The following ZNF583 variants were observed in gnomAD, a reference collection of about 807,000 sequenced individuals.
ZNF583 encodes zinc finger protein 583, also known as zinc finger protein L3-5.
A neutral mutation model predicts 55.3 loss-of-function variants in ZNF583; 30 were observed. The ratio of observed to expected loss-of-function variants is 0.54; its 90% CI spans 0.41 to 0.74. The LOEUF (loss-of-function observed/expected upper bound fraction) is 0.74. Ranked by LOEUF, ZNF583 falls within the 30% of genes least tolerant of loss-of-function variation. ZNF583 has a pLI of 0.00. For synonymous variants in ZNF583, 208 were observed against 220.0 expected (o/e 0.95, Z 0.48); for missense variants, 504 against 664.7 (o/e 0.76, Z 2.66).
In ZNF583 at chr19:56,414,419, G is replaced by C; in HGVS notation, c.211G>C (p.Gly71Arg). Reference sequence around the variant, plus strand: ...AGAGCCCTGGATGGTGAAGAAGGAGGGAACAAGAGGCCCATGCCCTGGTGA... The same window carrying C: ...AGAGCCCTGGATGGTGAAGAAGGAGCGAACAAGAGGCCCATGCCCTGGTGA... ...GKEPWMVKKEGTRGPCPDWEY... is the reference protein window; with the variant it reads ...GKEPWMVKKERTRGPCPDWEY... The change falls in exon 4 of 5, where the codon GGA becomes CGA. Residue 71 changes from glycine (G) to arginine (R), a missense_variant. By Grantham distance (125) the Gly-to-Arg change is moderately radical. This residue lies in a region of ZNF583 where 204 missense variants were observed against 235.2 expected (regional missense o/e 0.87). Coordinates refer to ENST00000333201, the MANE Select transcript of ZNF583 (RefSeq NM_152478.3). 6.2e-7 allele frequency: 1 copy of C among 1,614,118 alleles called. No individual in the cohort carries two copies. The highest frequency in any genetic ancestry group is 8.5e-7 in the Non-Finnish European group (1 of 1,179,996).
In ZNF583 at chr19:56,426,238, GT is replaced by G. The variant is rs1177897550; in HGVS notation, c.*1874del. On this transcript the variant is annotated 3_prime_UTR_variant, in exon 5 of 5. Transcript: ENST00000333201. ...GACCTATACCATCAGTGGTTTAACAGTTTTGGAAAAATTTATCGTGCTCTAT... is the reference window on the plus strand; with the variant it reads ...GACCTATACCATCAGTGGTTTAACAGTTTGGAAAAATTTATCGTGCTCTAT... 6.6e-6 allele frequency: 1 copy of G among 152,122 alleles called. No individual in the cohort carries two copies. The highest frequency in any genetic ancestry group is 1.5e-5 in the Non-Finnish European group (1 of 68,018). The allele number at this position is 152,122 out of a possible 1,614,324, so 9.4% of individuals were successfully genotyped here. A position where few individuals can be genotyped will look rare whatever the true frequency, so the allele number is the denominator to read the frequency against.
At chr19:56,422,860 C>A in intron 4 of ZNF583, 31 bp from the exon 5 acceptor site, 1 of 1,504,904 alleles carries the variant, frequency 6.6e-7, no homozygotes. Flanking sequence ...GAATTAAATA[C>A]AAAAGTCATT....
rs769911422 is a variant in ZNF583 at position 56,423,766 on chromosome 19, C to T, written c.1108C>T (p.His370Tyr). 2 of 1,613,482 alleles carry T rather than the reference C, an allele frequency of 1.2e-6. No individual in the cohort carries two copies. Among genetic ancestry groups the T allele is most frequent in the Non-Finnish European group, 8.5e-7 (1 of 1,179,902 alleles). ...TAGCCATCGTGGATACCTAATTGTACATCAGAGAATTCATACTGGAGAGAG... is the reference window on the plus strand; with the variant it reads ...TAGCCATCGTGGATACCTAATTGTATATCAGAGAATTCATACTGGAGAGAG... ...AFSHRGYLIVHQRIHTGERPY... is the reference protein window; with the variant it reads ...AFSHRGYLIVYQRIHTGERPY... The change falls in exon 5 of 5, where the codon CAT becomes TAT. Residue 370 changes from histidine (H) to tyrosine (Y), a missense_variant. Transcript: ENST00000333201.
intron 4 of ZNF583, among the ~76,000 whole-genome samples, chr19:56,419,378 G>A (rs2042378768): frequency 6.6e-6 from 1 of 151,918 alleles, no homozygotes; most frequent in Non-Finnish European, 1.5e-5. Flanking sequence ...GTATTTTTTA[G>A]TAGAGATGGG....
upstream of ZNF583, chr19:56,404,182 G>A (rs1175989780): frequency 6.6e-6 from 1 of 152,484 alleles, no homozygotes; most frequent in Non-Finnish European, 1.5e-5. The surrounding 1 kb of genome is among the most constrained non-coding windows in gnomAD (Gnocchi z 5.2). Context: ...CAGCGGAGGT[G>A]GGCTTACTAG....
In ZNF583 at chr19:56,414,387, A is replaced by T. The variant is rs1266076651; in HGVS notation, c.179A>T (p.Gln60Leu). ...SKPDVISLLE[Q>L]GKEPWMVKKE... The stretch of plus-strand genomic sequence containing the variant: ...CCAGATGTGATCTCATTATTGGAGC[A>T]AGGAAAAGAGCCCTGGATGGTGAAG... The change falls in exon 4 of 5, where the codon CAA becomes CTA. Residue 60 changes from glutamine to leucine, a missense_variant. This residue lies in a region of ZNF583 where 204 missense variants were observed against 235.2 expected (regional missense o/e 0.87). Coordinates refer to ENST00000333201, the MANE Select transcript of ZNF583 (RefSeq NM_152478.3). 1 of 1,614,012 alleles carries T rather than the reference A, an allele frequency of 6.2e-7. No homozygotes were observed. The highest frequency in any genetic ancestry group is 8.5e-7 in the Non-Finnish European group (1 of 1,180,034).
At chr19:56,420,014 A>T (rs1269031457) in intron 4 of ZNF583, among the ~76,000 whole-genome samples, 1 of 152,124 alleles carries the variant, frequency 6.6e-6, no homozygotes, top group Non-Finnish European at 1.5e-5. Flanking sequence ...TCTTGAGGTG[A>T]CATCTTAGAT....
intron 2 of ZNF583, among the ~76,000 whole-genome samples, chr19:56,408,481 T>C (rs2042189276): frequency 6.6e-6 from 1 of 152,234 alleles, no homozygotes; most frequent in Non-Finnish European, 1.5e-5. Flanking sequence ...AGCTAGTAGC[T>C]AGTGTATTAG....
intron 4 of ZNF583, among the ~76,000 whole-genome samples, chr19:56,417,690 C>T (rs181177465): frequency 1.3e-5 from 2 of 152,160 alleles, no homozygotes; most frequent in African/African-American, 2.4e-5. Context: ...ATTAATTTGT[C>T]TTGGTTGGTG....
chr19:56,414,702 C>T (rs1202379048), intron 4 of ZNF583: 1 of 355,498 alleles, frequency 2.8e-6, no homozygotes, highest in African/African-American at 2.1e-5. Context: ...GTCACAGCAT[C>T]TCCCTGTCCT....
intron 4 of ZNF583, among the ~76,000 whole-genome samples, chr19:56,415,987 T>C (rs1326110130): frequency 6.6e-6 from 1 of 152,218 alleles, no homozygotes; most frequent in African/African-American, 2.4e-5. Flanking sequence ...ATATGTATAA[T>C]GGTTTCCAAT....
Position 56,424,361 on chromosome 19 carries a change from TCTC to T in ZNF583, c.1706_1708del (p.Ser569del). 1 of 1,345,580 alleles carries T rather than the reference TCTC, an allele frequency of 7.4e-7. No homozygotes were observed. The highest frequency in any genetic ancestry group is 1.1e-6 in the Non-Finnish European group (1 of 942,772). The allele number at this position is 1,345,580 out of a possible 1,614,324, so 83.4% of individuals were successfully genotyped here. Reference sequence around the variant, plus strand: ...CAGTTGCCAAGACCTGTAGGTTTCATCTCCTGAATATTTCTGGAATCCACCTCT... The same window carrying T: ...CAGTTGCCAAGACCTGTAGGTTTCATCTGAATATTTCTGGAATCCACCTCT... On this transcript the variant is annotated inframe_deletion, in exon 5 of 5. Transcript: ENST00000333201.
At chr19:56,422,100 G>A (rs773189031) in intron 4 of ZNF583, among the ~76,000 whole-genome samples, 1 of 152,190 alleles carries the variant, frequency 6.6e-6, no homozygotes, top group Non-Finnish European at 1.5e-5. Context: ...GCAAGCAAGG[G>A]AGTAGTAGAA....
chr19:56,415,106 A>G (rs2042299431), intron 4 of ZNF583, among the ~76,000 whole-genome samples: 2 of 151,520 alleles, frequency 1.3e-5, no homozygotes, highest in South Asian at 4.1e-4. Context: ...GGATTGATGC[A>G]TTTATTTATT....
chr19:56,423,633 A>G lies in ZNF583; in HGVS notation c.975A>G (p.Glu325=). 6.2e-7 allele frequency: 1 copy of G among 1,613,968 alleles called. No homozygotes were observed. The highest frequency in any genetic ancestry group is 8.5e-7 in the Non-Finnish European group (1 of 1,179,972). The change falls in exon 5 of 5, where the codon GAA becomes GAG. Residue 325 remains glutamate (E), a synonymous_variant. Coordinates refer to ENST00000333201, the MANE Select transcript of ZNF583 (RefSeq NM_152478.3). ...TTCATACTGGAGAGAGACCTTTCGA[A>G]TGTATTGAATGTGGAAAGGCCTTTA... ...QRVHTGERPF[E]CIECGKAFSN...
At position 56,424,427 on chromosome 19, in the gene ZNF583, C is replaced by T. The variant is rs1444707391; in HGVS notation, c.*59C>T. 1.5e-5 allele frequency: 11 copies of T among 725,876 alleles called. No individual in the cohort carries two copies. Among genetic ancestry groups the T allele is most frequent in the South Asian group, 7.0e-5 (4 of 57,088 alleles). 45.0% of individuals were successfully genotyped at this position (725,876 alleles called of 1,614,324 possible). A position where few individuals can be genotyped will look rare whatever the true frequency, so the allele number is the denominator to read the frequency against. ...CATCCCATCATCCTTGTCCAATGCA[C>T]ATTAATATATTTGACATGGGATACT... On this transcript the variant is annotated 3_prime_UTR_variant, in exon 5 of 5. Transcript: ENST00000333201.
chr19:56,419,579 A>G (rs1350683847), intron 4 of ZNF583, among the ~76,000 whole-genome samples: 1 of 152,186 alleles, frequency 6.6e-6, no homozygotes, highest in East Asian at 1.9e-4. Context: ...GAAAGTGTTT[A>G]TCTTTCTCTA....
Position 56,414,051 on chromosome 19 carries a change from G to C in ZNF583, c.102G>C (p.Val34=). The C allele has an allele frequency of 6.2e-7, 1 of 1,607,194 alleles. No individual in the cohort carries two copies. Among genetic ancestry groups the C allele is most frequent in the Non-Finnish European group, 8.5e-7 (1 of 1,177,112 alleles). The change falls in exon 3 of 5, where the codon GTG becomes GTC. Residue 34 remains valine, a synonymous_variant. Transcript: ENST00000333201. ...CTCAGAGGAATTTGTACAGGAAAGT[G>C]ATGTTGGAGAACTACAGGAGCTTGG... The part of the protein sequence containing the change: ...NPAQRNLYRK[V]MLENYRSLVS...
rs528558354 is a variant in ZNF583 at position 56,406,760 on chromosome 19, T to C, written c.-89-266T>C. Among the ~76,000 whole-genome samples the C allele has an allele frequency of 9.3e-4, 141 of 152,156 alleles. No individual in the cohort carries two copies. In the Middle Eastern group the frequency reaches 0.017, roughly 18 times the overall value. On this transcript the variant is annotated intron_variant, in intron 1 of 4. Transcript: ENST00000333201. Reference sequence around the variant, plus strand: ...GCCAGGATGGTCTCGATCTCCTGACTTCGTGATTCGCCAGCCTCGGCCTCC... The same window carrying C: ...GCCAGGATGGTCTCGATCTCCTGACCTCGTGATTCGCCAGCCTCGGCCTCC...
Sources: gnomAD v4.1 joint callset for allele counts (sites outside exome capture counted in the v4.1 genomes callset) on GRCh38, gnomAD v4.1.1 for gene constraint, gnomAD v4.1.1 regional missense constraint, Gnocchi (gnomAD v3.1) non-coding constraint, MANE v1.5 for transcripts, NCBI Gene and HGNC (gene_info 2026-07-23, HGNC 2026-07-21) for gene names.